ZNF347: variants seen among roughly 807,000 people sequenced by gnomAD.
The protein encoded by ZNF347 is zinc finger protein 347.
A neutral mutation model predicts 12.9 loss-of-function variants in ZNF347; 19 were observed. The ratio of observed to expected loss-of-function variants is 1.47; its 90% CI spans 1.03 to 2.16. The LOEUF (loss-of-function observed/expected upper bound fraction) is 2.16. Ranked by LOEUF, ZNF347 falls within the 30% of genes most tolerant of loss-of-function variation. The pLI, the probability that ZNF347 is intolerant of heterozygous loss-of-function variation, is 0.00. For synonymous variants in ZNF347, 328 were observed against 340.6 expected, an observed-to-expected ratio of 0.96 and a Z score of 0.41; for missense variants, 1,005 against 990.6, an observed-to-expected ratio of 1.01 and a Z score of -0.19.
Position 53,141,378 on chromosome 19 carries a change from G to T in ZNF347, c.1450C>A (p.Pro484Thr). Residue 484 changes from proline (P) to threonine (T), a missense_variant, in exon 5 of 5, where the codon CCT becomes ACT. Transcript: ENST00000334197. ...RHQLIHTGEK[P>T]YKCNECGKAF... ...TTGCCACACTCATTACACTTATAAG[G>T]TTTCTCTCCAGTATGAATTAGCTGA... is the stretch of plus-strand genomic sequence containing the variant. 1.2e-6 allele frequency: 2 copies of T among 1,613,996 alleles called. No individual in the cohort carries two copies. The highest frequency in any genetic ancestry group is 1.7e-6 in the Non-Finnish European group (2 of 1,179,978).
In ZNF347 at chr19:53,135,527, C is replaced by T. The variant is rs2090384356; in HGVS notation, c.*4781G>A. On this transcript the variant is annotated 3_prime_UTR_variant, in exon 5 of 5. Coordinates refer to ENST00000334197, the MANE Select transcript of ZNF347 (RefSeq NM_032584.3). ...AGCTGGGATTACAGGCGCCCGCCAT[C>T]ACACCCAGCTAATTTTTGTATTTTT... is the stretch of plus-strand genomic sequence containing the variant. 1 of 151,956 alleles carries T rather than the reference C, an allele frequency of 6.6e-6. No individual in the cohort carries two copies. The highest frequency in any genetic ancestry group is 2.4e-5 in the African/African-American group (1 of 41,358). 9.4% of individuals were successfully genotyped at this position (151,956 alleles called of 1,614,324 possible). A position where few individuals can be genotyped will look rare whatever the true frequency, so the allele number is the denominator to read the frequency against.
Position 53,141,640 on chromosome 19 carries a change from A to C in ZNF347, c.1188T>G (p.Ser396Arg), listed in dbSNP as rs1441333539. 6.2e-7 allele frequency: 1 copy of C among 1,613,944 alleles called. No homozygotes were observed. Among genetic ancestry groups the C allele is most frequent in the Admixed American group, 1.7e-5 (1 of 60,000 alleles). ...CATTACATTTGTAAGGTTTTTCTCCACTGTGGGTTGCCTGATGGATAGCTA... is the reference window on the plus strand; with the variant it reads ...CATTACATTTGTAAGGTTTTTCTCCCCTGTGGGTTGCCTGATGGATAGCTA... The part of the protein sequence containing the change: ...SSLAIHQATH[S>R]GEKPYKCNEC... The change falls in exon 5 of 5, where the codon AGT becomes AGG. Residue 396 changes from serine to arginine, a missense_variant. Coordinates refer to ENST00000334197, the MANE Select transcript of ZNF347 (RefSeq NM_032584.3).
At position 53,140,881 on chromosome 19, in the gene ZNF347, A is replaced by G. The variant is rs769675711; in HGVS notation, c.1947T>C (p.Gly649=). Residue 649 remains glycine (G), a synonymous_variant, in exon 5 of 5, where the codon GGT becomes GGC. Transcript: ENST00000334197. ...NLTTHQVIHT[G]EKPYKCNECG... ...ACTCATTACATTTGTAAGGTTTTTC[A>G]CCAGTATGGATGACCTGATGGGTAG... The G allele has an allele frequency of 1.9e-5, 29 of 1,529,678 alleles. No individual in the cohort carries two copies. Among genetic ancestry groups the G allele is most frequent in the Non-Finnish European group, 2.5e-5 (29 of 1,138,928 alleles). 94.8% of individuals were successfully genotyped at this position (1,529,678 alleles called of 1,614,324 possible).
chr19:53,140,050 G>A lies in ZNF347; in HGVS notation c.*258C>T, dbSNP rs947409227. On this transcript the variant is annotated 3_prime_UTR_variant, in exon 5 of 5. Coordinates refer to ENST00000334197, the MANE Select transcript of ZNF347 (RefSeq NM_032584.3). ...TATATAGCTGGGATTACAGGCGCACGCCACCAGGCCTAGCTAATTGTGTAC... is the reference window on the plus strand; with the variant it reads ...TATATAGCTGGGATTACAGGCGCACACCACCAGGCCTAGCTAATTGTGTAC... 13 of 346,622 alleles carry A rather than the reference G, an allele frequency of 3.8e-5. No homozygotes were observed. Among genetic ancestry groups the A allele is most frequent in the East Asian group, 2.5e-4 (5 of 19,960 alleles). The allele number at this position is 346,622 out of a possible 1,614,324, so 21.5% of individuals were successfully genotyped here.
At position 53,140,584 on chromosome 19, in the gene ZNF347, C is replaced by G. The variant is rs750049311; in HGVS notation, c.2244G>C (p.Gln748His). 6.2e-7 allele frequency: 1 copy of G among 1,613,524 alleles called. No homozygotes were observed. The highest frequency in any genetic ancestry group is 8.5e-7 in the Non-Finnish European group (1 of 1,179,822). Residue 748 changes from glutamine (Q) to histidine (H), a missense_variant, in exon 5 of 5, where the codon CAG becomes CAC. Physicochemically the swap from Gln to His is conservative, Grantham distance 24. Coordinates refer to ENST00000334197, the MANE Select transcript of ZNF347 (RefSeq NM_032584.3). The stretch of plus-strand genomic sequence containing the variant: ...CCCGATGTCTTGCAAGGTGTGAATT[C>G]TGAGTGAAGACCTTCCCACACTCAT... ...KCNECGKVFT[Q>H]NSHLARHRGI...
At chr19:53,153,016 C>T (rs115724872) in intron 2 of ZNF347, among the ~76,000 whole-genome samples, 1 of 152,150 alleles carries the variant, frequency 6.6e-6, no homozygotes, top group East Asian at 1.9e-4. Context: ...CTCCTATAAC[C>T]GAACAAAATA....
At chr19:53,157,782 GCTCCAAATCCCTCCTC>G (rs1414190026) in intron 1 of ZNF347, among the ~76,000 whole-genome samples, 3 of 152,008 alleles carry the variant, frequency 2.0e-5, no homozygotes, top group Non-Finnish European at 4.4e-5. Context: ...GTCTGCCCTG[GCTCCAAATCCCTCCTC>G]CTCTCCCGGA....
intron 4 of ZNF347, among the ~76,000 whole-genome samples, chr19:53,145,505 A>C (rs991275172): frequency 2.0e-5 from 3 of 149,844 alleles, no homozygotes; most frequent in Non-Finnish European, 3.0e-5. Context: ...TGATCCACCC[A>C]CCTCAGCCCC....
At chr19:53,150,134 T>G (rs1023643800) in intron 2 of ZNF347, among the ~76,000 whole-genome samples, 1 of 152,160 alleles carries the variant, frequency 6.6e-6, no homozygotes, top group African/African-American at 2.4e-5. Flanking sequence ...TGTTTGCAAC[T>G]GGCATTGAAG....
Position 53,140,986 on chromosome 19 carries a change from C to G in ZNF347, c.1842G>C (p.Arg614Ser), listed in dbSNP as rs1043826250. Residue 614 changes from arginine (R) to serine (S), a missense_variant, in exon 5 of 5, where the codon AGG becomes AGC. Transcript: ENST00000334197. ...TCTCTCCAGTATGAATTCGCTGATG[C>G]CTTGAAAGGTATGAATTATGCCTAA... ...KVFRHNSYLS[R>S]HQRIHTGEKP... 3.7e-6 allele frequency: 6 copies of G among 1,612,606 alleles called. No individual in the cohort carries two copies. In the Admixed American group the frequency reaches 6.7e-5, roughly 18 times the overall value.
rs774548108 is a variant in ZNF347, at chr19:53,141,901, C to G, written c.927G>C (p.Val309=). Residue 309 remains valine, a synonymous_variant, in exon 5 of 5, where the codon GTG becomes GTC. Coordinates refer to ENST00000334197, the MANE Select transcript of ZNF347 (RefSeq NM_032584.3). The part of the protein sequence containing the change: ...RTRSNLTTHQ[V]IHTGEKRYKC... ...TGTAACGTTTTTCGCCAGTATGGAT[C>G]ACCTGATGGGTAGTTAGGTTTGAAC... The G allele has an allele frequency of 6.2e-7, 1 of 1,612,680 alleles. No individual in the cohort carries two copies. Among genetic ancestry groups the G allele is most frequent in the Non-Finnish European group, 8.5e-7 (1 of 1,179,508 alleles).
At chr19:53,147,200 C>A (rs1205093270) in intron 4 of ZNF347, among the ~76,000 whole-genome samples, 2 of 152,072 alleles carry the variant, frequency 1.3e-5, no homozygotes, top group East Asian at 3.9e-4. Flanking sequence ...CATGGTGAAA[C>A]CCCAACTCTA....
At chr19:53,148,231 T>C (rs1188059099) in intron 4 of ZNF347, among the ~76,000 whole-genome samples, 12 of 152,190 alleles carry the variant, frequency 7.9e-5, no homozygotes, top group Admixed American at 7.9e-4. Context: ...TCTTTGCAGA[T>C]GACATGATTT....
At chr19:53,147,376 A>AAAAC (rs35675251) in intron 4 of ZNF347, among the ~76,000 whole-genome samples, 31,583 of 150,900 alleles carry the variant, frequency 0.21, 3,712 homozygotes, top group African/African-American at 0.3. Flanking sequence ...CTGCATCTCA[A>AAAAC]AAACAAACAA....
intron 2 of ZNF347, 131 bp downstream of exon 2, chr19:53,153,602 G>A: frequency 6.9e-7 from 1 of 1,449,612 alleles, no homozygotes; most frequent in Non-Finnish European, 9.6e-7. Flanking sequence ...GGGACTGAGG[G>A]AAGGCACGCG....
intron 2 of ZNF347, among the ~76,000 whole-genome samples, chr19:53,152,697 G>A (rs373414733): frequency 1.2e-3 from 186 of 152,166 alleles, no homozygotes; most frequent in African/African-American, 3.6e-3. Flanking sequence ...TTGGGAGGCC[G>A]AGGCAGGTGG....
intron 1 of ZNF347, among the ~76,000 whole-genome samples, chr19:53,154,172 A>G (rs1376766593): frequency 3.3e-5 from 5 of 152,156 alleles, no homozygotes; most frequent in Non-Finnish European, 7.4e-5. Flanking sequence ...ATTGCAGGCC[A>G]ATCTCAGGCC....
Position 53,153,804 on chromosome 19 carries a change from A to G in ZNF347, c.-46-11T>C. The stretch of plus-strand genomic sequence containing the variant: ...CTTCAAGGGTTCTTCCTTAGGTAAC[A>G]GGAAAGTGCCTTTAGAAGTCAATAT... On this transcript the variant is annotated splice_polypyrimidine_tract_variant and intron_variant, in intron 1 of 4. Transcript: ENST00000334197. The G allele has an allele frequency of 6.2e-7, 1 of 1,611,714 alleles. No individual in the cohort carries two copies. Among genetic ancestry groups the G allele is most frequent in the East Asian group, 2.2e-5 (1 of 44,868 alleles).
Position 53,136,561 on chromosome 19 carries a change from C to T in ZNF347, c.*3747G>A, listed in dbSNP as rs1445211916. On this transcript the variant is annotated 3_prime_UTR_variant, in exon 5 of 5. Transcript: ENST00000334197. ...CAACCTGGCCAACATAGCGAGACCC[C>T]ACGTCTAAAAAGAAAAAGAAAAAAA... The T allele has an allele frequency of 6.7e-6, 1 of 149,160 alleles. No homozygotes were observed. Among genetic ancestry groups the T allele is most frequent in the Non-Finnish European group, 1.5e-5 (1 of 67,380 alleles). The allele number at this position is 149,160 out of a possible 1,614,324, so 9.2% of individuals were successfully genotyped here. A position where few individuals can be genotyped will look rare whatever the true frequency, so the allele number is the denominator to read the frequency against.
Sources: gnomAD v4.1 joint callset for allele counts (sites outside exome capture counted in the v4.1 genomes callset) on GRCh38, gnomAD v4.1.1 for gene constraint, MANE v1.5 for transcripts, NCBI Gene and HGNC (gene_info 2026-07-23, HGNC 2026-07-21) for gene names.